The following HMGB1 variants were observed in gnomAD, a reference collection of about 807,000 sequenced individuals.
HMGB1 encodes high mobility group protein B1.
For missense variants in HMGB1, 79 were observed against 253.5 expected (o/e 0.31, Z 4.67); for synonymous variants, 81 against 84.0 (o/e 0.96, Z 0.19).
At chr13:30,482,600 T>C (rs1485154938) in intron 1 of HMGB1, among the ~76,000 whole-genome samples, 1 of 152,200 alleles carries the variant, frequency 6.6e-6, no homozygotes, top group African/African-American at 2.4e-5. Context: ...TCTTTCTGGC[T>C]CTGAAGCCAA....
intron 1 of HMGB1, among the ~76,000 whole-genome samples, chr13:30,489,008 G>A (rs1887427216): frequency 6.6e-6 from 1 of 152,132 alleles, no homozygotes; most frequent in Non-Finnish European, 1.5e-5. Flanking sequence ...ATTCAGCACA[G>A]CAAGCATTCA....
intron 1 of HMGB1, among the ~76,000 whole-genome samples, chr13:30,588,865 C>A (rs1049006356): frequency 6.6e-6 from 1 of 151,682 alleles, no homozygotes; most frequent in African/African-American, 2.4e-5. Flanking sequence ...TGCAGTGAGC[C>A]GACATCGCGC....
At chr13:30,611,817 T>A (rs1004964457) in intron 1 of HMGB1, among the ~76,000 whole-genome samples, 11 of 151,558 alleles carry the variant, frequency 7.3e-5, no homozygotes, top group Non-Finnish European at 2.9e-5. Context: ...ATCTGTACCC[T>A]TTAAAACATC....
intron 1 of HMGB1, among the ~76,000 whole-genome samples, chr13:30,484,270 G>A (rs1323912344): frequency 6.6e-6 from 1 of 152,158 alleles, no homozygotes; most frequent in Non-Finnish European, 1.5e-5. Context: ...CTGCAGGGCA[G>A]GGTGTGCTTT....
chr13:30,457,747 C>T lies in HMGB1; in HGVS notation c.*3610G>A, dbSNP rs1360485. ...TGTATGGTTATCTGTCATGATGTAT[C>T]GTGAAACAAGCAATTCTATAACAGA... is the stretch of plus-strand genomic sequence containing the variant. On this transcript the variant is annotated 3_prime_UTR_variant, in exon 5 of 5. Coordinates refer to ENST00000341423, the MANE Select transcript of HMGB1 (RefSeq NM_002128.7). 0.59 allele frequency: 89,516 copies of T among 151,936 alleles called. 29,604 individuals are homozygous for T. Among genetic ancestry groups the T allele is most frequent in the South Asian group, 0.83 (4,019 of 4,818 alleles). The allele number at this position is 151,936 out of a possible 1,614,324, so 9.4% of individuals were successfully genotyped here. A position where few individuals can be genotyped will look rare whatever the true frequency, so the allele number is the denominator to read the frequency against.
At chr13:30,583,218 C>T (rs1593326156) in intron 1 of HMGB1, among the ~76,000 whole-genome samples, 1 of 151,990 alleles carries the variant, frequency 6.6e-6, no homozygotes, top group African/African-American at 2.4e-5. Context: ...CTTGATTAAA[C>T]CCTTCAATGA....
chr13:30,524,813 T>C (rs1310120630), intron 1 of HMGB1, among the ~76,000 whole-genome samples: 6 of 152,208 alleles, frequency 3.9e-5, no homozygotes, highest in African/African-American at 9.6e-5. Context: ...CTGCAGTTTA[T>C]ACACTTGAAA....
intron 1 of HMGB1, chr13:30,464,446 G>C: frequency 1.0e-6 from 1 of 985,344 alleles, no homozygotes; most frequent in Non-Finnish European, 1.2e-6. Flanking sequence ...AGCCGTGAAA[G>C]TTGGGGTGAC....
intron 1 of HMGB1, chr13:30,465,129 G>C (rs892884277): frequency 1.0e-6 from 1 of 967,314 alleles, no homozygotes; most frequent in South Asian, 4.7e-5. Flanking sequence ...TCTCCAGCCA[G>C]CAGCGCCGGG....
At chr13:30,490,221 T>C (rs556662719) in intron 1 of HMGB1, among the ~76,000 whole-genome samples, 3 of 152,322 alleles carry the variant, frequency 2.0e-5, no homozygotes, top group Non-Finnish European at 4.4e-5. Flanking sequence ...TTTGCCATTA[T>C]GCCTTCACCA....
At chr13:30,588,283 T>A (rs1157589329) in intron 1 of HMGB1, among the ~76,000 whole-genome samples, 1 of 152,056 alleles carries the variant, frequency 6.6e-6, no homozygotes, top group Non-Finnish European at 1.5e-5. Flanking sequence ...AATTTATAAA[T>A]TATGAGGTAC....
intron 1 of HMGB1, among the ~76,000 whole-genome samples, chr13:30,589,700 C>T (rs1342424141): frequency 2.6e-5 from 4 of 152,060 alleles, no homozygotes. Context: ...GAAACCCCAT[C>T]TCTACTAAAA....
At chr13:30,482,144 T>C (rs9550568) in intron 1 of HMGB1, among the ~76,000 whole-genome samples, 30,965 of 152,200 alleles carry the variant, frequency 0.2, 3,572 homozygotes, top group Middle Eastern at 0.37. Context: ...AGGTTAATAT[T>C]TCTCTTGGAG....
At chr13:30,534,532 A>G (rs1360603529) in intron 1 of HMGB1, among the ~76,000 whole-genome samples, 1 of 151,916 alleles carries the variant, frequency 6.6e-6, no homozygotes, top group Admixed American at 6.6e-5. Context: ...TTCTTTTTGG[A>G]AGCACCTATT....
chr13:30,467,845 A>ATACACTT (rs1382951702), upstream of HMGB1, among the ~76,000 whole-genome samples: 1 of 152,226 alleles, frequency 6.6e-6, no homozygotes, highest in African/African-American at 2.4e-5. Context: ...TGGCACGGCC[A>ATACACTT]TACACTTTAC....
chr13:30,463,149 T>A (rs1443624545), intron 3 of HMGB1, 58 bp downstream of exon 3: 2 of 1,527,866 alleles, frequency 1.3e-6, no homozygotes, highest in African/African-American at 2.8e-5. Context: ...CTTGCTAAAT[T>A]TCTCTCAGAT....
intron 1 of HMGB1, among the ~76,000 whole-genome samples, chr13:30,479,119 T>C (rs1887168917): frequency 6.6e-6 from 1 of 152,204 alleles, no homozygotes; most frequent in South Asian, 2.1e-4. Context: ...ATATTCCCTG[T>C]AAAGATAAAT....
upstream of HMGB1, chr13:30,466,010 T>C: frequency 1.1e-5 from 11 of 957,630 alleles, no homozygotes; most frequent in Non-Finnish European, 1.2e-5. Flanking sequence ...ATACCTCCCA[T>C]TGTCCTGACC....
In HMGB1 at chr13:30,471,508, T is replaced by C. The variant is rs1356893994; in HGVS notation, c.-14-7814A>G. Among the ~76,000 whole-genome samples the C allele has an allele frequency of 4.6e-5, 7 of 151,002 alleles. 1 individual carries two copies. Among genetic ancestry groups the C allele is most frequent in the Admixed American group, 4.0e-4 (6 of 15,128 alleles). On this transcript the variant is annotated intron_variant, in intron 1 of 4. Coordinates refer to the HMGB1 transcript ENST00000405805. ...GATTATAGGCATGGGCCACCACACCTGGCTAATTTTTTTTTTTTGTATTTT... is the reference window on the plus strand; with the variant it reads ...GATTATAGGCATGGGCCACCACACCCGGCTAATTTTTTTTTTTTGTATTTT...
Sources: gnomAD v4.1 joint callset for allele counts (sites outside exome capture counted in the v4.1 genomes callset) on GRCh38, gnomAD v4.1.1 for gene constraint, MANE v1.5 for transcripts, NCBI Gene and HGNC (gene_info 2026-07-23, HGNC 2026-07-21) for gene names.